The following NLRP9 variants were observed in gnomAD, a reference collection of about 807,000 sequenced individuals.
NLRP9 encodes the protein NACHT, LRR and PYD domains-containing protein 9.
A neutral mutation model predicts 83.1 loss-of-function variants in NLRP9; 88 were observed. That is an observed-to-expected ratio of 1.06 (90% CI 0.89 to 1.26). The LOEUF (loss-of-function observed/expected upper bound fraction) is 1.26. Ranked by LOEUF, NLRP9 falls within the 50% of genes most tolerant of loss-of-function variation. The pLI, the probability that NLRP9 is intolerant of heterozygous loss-of-function variation, is 0.00. For missense variants in NLRP9, 1,308 were observed against 1,179.3 expected (o/e 1.11, Z -1.60); for synonymous variants, 521 against 447.6 (o/e 1.16, Z -2.07).
intron 1 of NLRP9, 92 bp downstream of exon 1, chr19:55,738,003 T>C (rs1988830147): frequency 1.7e-6 from 2 of 1,202,628 alleles, no homozygotes; most frequent in East Asian, 4.7e-5. Flanking sequence ...CACATTCTCA[T>C]CTGATGGAGG....
rs1988515127 is a variant in NLRP9 at position 55,729,749 on chromosome 19, A to G, written c.1994+82T>C. On this transcript the variant is annotated intron_variant, in intron 3 of 8. Coordinates refer to ENST00000332836, the MANE Select transcript of NLRP9 (RefSeq NM_176820.4). ...CTGGATTGCCGCTCTGCATTTATGC[A>G]TGGGTCTTCTTCCAAAAAGGCCACA... 3 of 1,123,556 alleles carry G rather than the reference A, an allele frequency of 2.7e-6. No individual in the cohort carries two copies. The African/African-American group carries it at 4.7e-5, about 18-fold the overall frequency. 69.6% of individuals were successfully genotyped at this position (1,123,556 alleles called of 1,614,324 possible).
intron 4 of NLRP9, 90 bp from the exon 5 acceptor site, chr19:55,716,988 A>C: frequency 1.1e-6 from 1 of 927,636 alleles, no homozygotes; most frequent in East Asian, 2.5e-5. Context: ...CTCTGATTCT[A>C]GTCTTGCACC....
rs139300317 is a variant in NLRP9, at chr19:55,733,545, G to C, written c.286C>G (p.Leu96Val). ...TTCATATGCTTTCTGTATGGGTTTA[G>C]CTTATCTGTGTTAATGAGAACAGGA... The part of the protein sequence containing the change: ...TKAQEEMRNK[L>V]NPYRKHMKET... The change falls in exon 2 of 9, where the codon CTA (leucine) becomes GTA (valine). Residue 96 changes from leucine (L) to valine (V), a missense_variant. By Grantham distance (32) the Leu-to-Val change is conservative. Transcript: ENST00000332836. The C allele has an allele frequency of 2.2e-5, 34 of 1,549,330 alleles. No homozygotes were observed. The highest frequency in any genetic ancestry group is 2.8e-5 in the Non-Finnish European group (32 of 1,139,524).
At chr19:55,731,456 G>T (rs1278804394) in intron 2 of NLRP9, among the ~76,000 whole-genome samples, 1 of 152,076 alleles carries the variant, frequency 6.6e-6, no homozygotes, top group Non-Finnish European at 1.5e-5. Flanking sequence ...AGGCGCGGTG[G>T]CTTATGCTTG....
rs181862700 is a variant in NLRP9 at position 55,736,586 on chromosome 19, C to T, written c.280+1509G>A. 7.4e-4 allele frequency among the ~76,000 whole-genome samples: 113 copies of T among 152,200 alleles called. 2 individuals carry two copies. Among genetic ancestry groups the T allele is most frequent in the Non-Finnish European group, 3.5e-4 (24 of 68,018 alleles). On this transcript the variant is annotated intron_variant, in intron 1 of 8. Coordinates refer to ENST00000332836, the MANE Select transcript of NLRP9 (RefSeq NM_176820.4). ...AACTGGCACACACCTGTAATCACAG[C>T]ACTTTGGGAAGCCCAGGCAGGAGGA... is the stretch of plus-strand genomic sequence containing the variant.
chr19:55,722,144 A>C (rs927366175), intron 4 of NLRP9, among the ~76,000 whole-genome samples: 1 of 150,036 alleles, frequency 6.7e-6, no homozygotes, highest in African/African-American at 2.5e-5. Flanking sequence ...GACTTTGAAG[A>C]CCTTCCACCA....
At chr19:55,724,312 C>T (rs750939972) in intron 3 of NLRP9, among the ~76,000 whole-genome samples, 168 bp from the exon 4 acceptor site, 8 of 152,048 alleles carry the variant, frequency 5.3e-5, no homozygotes, top group Non-Finnish European at 8.8e-5. Context: ...TTTTAGACAC[C>T]AGACAGCACA....
intron 3 of NLRP9, among the ~76,000 whole-genome samples, 198 bp downstream of exon 3, chr19:55,729,633 C>A (rs1988511211): frequency 6.6e-6 from 1 of 151,948 alleles, no homozygotes; most frequent in South Asian, 2.1e-4. Context: ...TCCAGTCTAT[C>A]ATTGATGGAC....
chr19:55,733,309 TAA>T lies in NLRP9; in HGVS notation c.520_521del (p.Leu174MetfsTer15). The part of the protein sequence containing the change: ...KVMLDWAEGN[L>X]WKDRFTFVFF... ...ACACAAATGTGAACCTGTCCTTCCA[TAA>T]GTTTCCCTCTGCCCAGTCCAACATC... On this transcript the variant is annotated frameshift_variant, in exon 2 of 9. Coordinates refer to ENST00000332836, the MANE Select transcript of NLRP9 (RefSeq NM_176820.4). LOFTEE classifies it high-confidence loss of function. 2 of 1,614,118 alleles carry T rather than the reference TAA, an allele frequency of 1.2e-6. No individual in the cohort carries two copies. Among genetic ancestry groups the T allele is most frequent in the Non-Finnish European group, 1.7e-6 (2 of 1,179,938 alleles).
rs779142421 is a variant in NLRP9 at position 55,712,538 on chromosome 19, G to A, written c.2554C>T (p.Leu852Phe). The change falls in exon 7 of 9, where the codon CTT (leucine) becomes TTT (phenylalanine). Residue 852 changes from leucine to phenylalanine, a missense_variant. Transcript: ENST00000332836. ...SDSCKDIAAV[L>F]ICNGKLKTLK... ...GTCTTCAGTTTCCCATTGCAAATAA[G>A]AACAGCAGCAATGTCCTTACAGGAA... The A allele has an allele frequency of 3.7e-6, 6 of 1,612,524 alleles. No homozygotes were observed. The East Asian group carries it at 1.1e-4, about 30-fold the overall frequency.
In NLRP9 at chr19:55,733,417, T is replaced by C. The variant is rs56235790; in HGVS notation, c.414A>G (p.Ala138=). 3,548 of 1,614,038 alleles carry C rather than the reference T, an allele frequency of 2.2e-3. 71 individuals carry two copies. In the African/African-American group the frequency reaches 0.043, roughly 19 times the overall value. ...TGTGTCGTCTAGCCGCAGCAGTATA[T>C]GCGTCATTCAATTCTTTATACTCAT... ...MKNEYKELND[A]YTAAARRHTV... The change falls in exon 2 of 9, where the codon GCA becomes GCG. Residue 138 remains alanine, a synonymous_variant. Coordinates refer to ENST00000332836, the MANE Select transcript of NLRP9 (RefSeq NM_176820.4).
chr19:55,709,079 T>G, intron 8 of NLRP9, 35 bp from the exon 9 acceptor site: 1 of 1,522,902 alleles, frequency 6.6e-7, no homozygotes, highest in Non-Finnish European at 8.8e-7. Flanking sequence ...TTTTTTTGTT[T>G]TTCATTTTTA....
In NLRP9 at chr19:55,729,294, G is replaced by T. The variant is rs1199628746; in HGVS notation, c.1994+537C>A. Among the ~76,000 whole-genome samples the T allele has an allele frequency of 2.0e-5, 3 of 148,490 alleles. No homozygotes were observed. The Admixed American group carries it at 2.0e-4, about 10-fold the overall frequency. ...GTGCATGTGTACAACGTGCAGGTTT[G>T]TTACTTATGTATACATGTGCCATGT... On this transcript the variant is annotated intron_variant, in intron 3 of 8. Coordinates refer to ENST00000332836, the MANE Select transcript of NLRP9 (RefSeq NM_176820.4).
At chr19:55,711,203 T>G (rs1360457597) in intron 8 of NLRP9, 1 of 183,648 alleles carries the variant, frequency 5.4e-6, no homozygotes, top group African/African-American at 2.4e-5. Context: ...CAATTATCAA[T>G]ATTCAGCCTC....
chr19:55,726,606 G>A (rs990097423), intron 3 of NLRP9, among the ~76,000 whole-genome samples: 1 of 152,168 alleles, frequency 6.6e-6, no homozygotes, highest in African/African-American at 2.4e-5. Context: ...TCTGTTTCCA[G>A]AAACTATTAT....
intron 8 of NLRP9, chr19:55,709,874 A>AT (rs1987637413): frequency 6.6e-6 from 1 of 152,206 alleles, no homozygotes; most frequent in Admixed American, 6.5e-5. Flanking sequence ...GTAAGACTGG[A>AT]ACATAGGCCT....
In NLRP9 at chr19:55,719,861, T is replaced by C. The variant is rs189728722; in HGVS notation, c.2160-2963A>G. 8.1e-3 allele frequency among the ~76,000 whole-genome samples: 1,225 copies of C among 151,640 alleles called. 20 individuals are homozygous for C. The highest frequency in any genetic ancestry group is 0.028 in the African/African-American group (1,142 of 41,302). ...ATACCAAAACCACACACAATGGGGG[T>C]GGGAGGGGAAACTTAAAATTAGCCA... On this transcript the variant is annotated intron_variant, in intron 4 of 8. Transcript: ENST00000332836.
chr19:55,738,333 A>C lies in NLRP9; in HGVS notation c.42T>G (p.Tyr14Ter). ...SFFSDFGLLW[Y>*]LKELRKEEFW... Reference sequence around the variant, plus strand: ...ACTCTTCCTTTCTGAGCTCCTTCAGATACCACAACAAGCCAAAATCCGAAA... The same window carrying C: ...ACTCTTCCTTTCTGAGCTCCTTCAGCTACCACAACAAGCCAAAATCCGAAA... The change falls in exon 1 of 9, where the codon TAT becomes TAG. Residue 14 changes from tyrosine (Y) to a stop codon, truncating the protein, a stop_gained. Transcript: ENST00000332836. LOFTEE classifies it high-confidence loss of function. 6.2e-7 allele frequency: 1 copy of C among 1,613,974 alleles called. No individual in the cohort carries two copies. The highest frequency in any genetic ancestry group is 8.5e-7 in the Non-Finnish European group (1 of 1,179,986).
chr19:55,731,113 C>A (rs1988556058), intron 2 of NLRP9, among the ~76,000 whole-genome samples: 1 of 151,998 alleles, frequency 6.6e-6, no homozygotes, highest in South Asian at 2.1e-4. Context: ...CCTCAGTGAA[C>A]AGGGAACTGT....
Sources: allele counts gnomAD v4.1 joint callset (sites outside exome capture counted in the v4.1 genomes callset), GRCh38; gene constraint gnomAD v4.1.1; transcripts MANE v1.5; gene names NCBI Gene and HGNC (gene_info 2026-07-23, HGNC 2026-07-21).